Variants in SMAP1 observed in about 807,000 individuals in gnomAD.
SMAP1 encodes the protein small ArfGAP 1, also known as stromal membrane-associated protein 1.
In SMAP1, 24 loss-of-function variants were observed where a neutral mutation model predicts 58.5. That is an observed-to-expected ratio of 0.41 (90% confidence interval 0.30 to 0.58). The LOEUF is 0.58. Among genes scored for constraint, SMAP1 ranks in the 20% least tolerant of loss-of-function variants. The pLI, the probability that SMAP1 is intolerant of heterozygous loss-of-function variation, is 0.29. For synonymous variants in SMAP1, 216 were observed against 196.6 expected (o/e 1.10, Z -0.82); for missense variants, 563 against 566.3 (o/e 0.99, Z 0.06).
intron 4 of SMAP1, among the ~76,000 whole-genome samples, chr6:70,779,389 G>T (rs566094154): frequency 3.2e-4 from 49 of 152,318 alleles, no homozygotes; most frequent in African/African-American, 1.2e-3. Context: ...CTGTGCAGCA[G>T]CAGCTTGGTC....
chr6:70,793,202 T>C (rs1440924357), intron 5 of SMAP1, among the ~76,000 whole-genome samples: 1 of 151,900 alleles, frequency 6.6e-6, no homozygotes, highest in Admixed American at 6.6e-5. Flanking sequence ...GCCCAGCTAA[T>C]TTTTGTATTT....
intron 1 of SMAP1, among the ~76,000 whole-genome samples, chr6:70,717,734 A>G (rs1056907807): frequency 6.6e-6 from 1 of 152,182 alleles, no homozygotes; most frequent in South Asian, 2.1e-4. Context: ...TCACATTTTT[A>G]GGTGGTTTTG....
intron 10 of SMAP1, chr6:70,859,403 A>T: frequency 6.5e-7 from 1 of 1,548,378 alleles, no homozygotes. Flanking sequence ...GGTGGTTAAA[A>T]TGTCCTTTAG....
At chr6:70,785,156 A>G (rs1014955058) in intron 4 of SMAP1, among the ~76,000 whole-genome samples, 1 of 152,234 alleles carries the variant, frequency 6.6e-6, no homozygotes, top group Admixed American at 6.5e-5. Flanking sequence ...AACTCACTCG[A>G]AACCGCTCAG....
intron 4 of SMAP1, among the ~76,000 whole-genome samples, chr6:70,790,667 T>C (rs1768311579): frequency 6.6e-6 from 1 of 152,286 alleles, no homozygotes; most frequent in Non-Finnish European, 1.5e-5. Flanking sequence ...TAGTCTTGTG[T>C]TGTGATTCAG....
At chr6:70,727,417 A>G (rs1026479376) in intron 1 of SMAP1, among the ~76,000 whole-genome samples, 1 of 152,142 alleles carries the variant, frequency 6.6e-6, no homozygotes, top group African/African-American at 2.4e-5. Context: ...CCCACATAAT[A>G]ATCACATCAA....
At chr6:70,820,056 T>C (rs976691291) in intron 6 of SMAP1, among the ~76,000 whole-genome samples, 7 of 152,210 alleles carry the variant, frequency 4.6e-5, no homozygotes, top group African/African-American at 7.2e-5. Flanking sequence ...ACTAATCTTA[T>C]GGATTTTTTC....
intron 6 of SMAP1, among the ~76,000 whole-genome samples, chr6:70,814,871 T>G (rs184183081): frequency 2.1e-4 from 32 of 152,270 alleles, no homozygotes; most frequent in Middle Eastern, 3.4e-3. Flanking sequence ...CTTACCATCT[T>G]ATCAACACAC....
intron 1 of SMAP1, among the ~76,000 whole-genome samples, chr6:70,701,870 G>A (rs1364673817): frequency 6.6e-6 from 1 of 152,148 alleles, no homozygotes; most frequent in African/African-American, 2.4e-5. Flanking sequence ...GTTCAATTTG[G>A]TGTTCCTGCA....
chr6:70,861,340 G>T lies in SMAP1; in HGVS notation c.*1006G>T. 1 of 235,244 alleles carries T rather than the reference G, an allele frequency of 4.3e-6. No homozygotes were observed. 14.6% of individuals were successfully genotyped at this position (235,244 alleles called of 1,614,324 possible). ...CCTGTTCAAGTCTACCAATTATAAG[G>T]GCAAATTGGAGAAAAAGAAAAAATA... On this transcript the variant is annotated 3_prime_UTR_variant, in exon 11 of 11. Transcript: ENST00000370455.
chr6:70,859,503 C>G, intron 10 of SMAP1: 1 of 826,184 alleles, frequency 1.2e-6, no homozygotes, highest in Non-Finnish European at 1.9e-6. Context: ...GTAAATAAGT[C>G]AAGTCAAATG....
At chr6:70,700,214 G>A (rs1767571001) in intron 1 of SMAP1, among the ~76,000 whole-genome samples, 1 of 152,216 alleles carries the variant, frequency 6.6e-6, no homozygotes, top group African/African-American at 2.4e-5. Flanking sequence ...TTCACCTTCT[G>A]TCGTGAGTAA....
At chr6:70,729,200 G>A (rs1281796713) in intron 1 of SMAP1, among the ~76,000 whole-genome samples, 1 of 152,132 alleles carries the variant, frequency 6.6e-6, no homozygotes, top group East Asian at 1.9e-4. Context: ...AGCACTTTGG[G>A]AGGCCGAGGC....
intron 4 of SMAP1, among the ~76,000 whole-genome samples, chr6:70,779,042 A>G (rs978165311): frequency 1.3e-5 from 2 of 152,248 alleles, no homozygotes; most frequent in Non-Finnish European, 2.9e-5. Flanking sequence ...TGGATACACA[A>G]TGGCTCTGCT....
chr6:70,730,055 T>A (rs1224136288), intron 1 of SMAP1, among the ~76,000 whole-genome samples: 5 of 152,186 alleles, frequency 3.3e-5, no homozygotes, highest in Non-Finnish European at 7.3e-5. Context: ...TCTGCTTCCC[T>A]TCTCTCTCCC....
chr6:70,751,480 TG>T (rs1408763428), intron 2 of SMAP1, among the ~76,000 whole-genome samples: 3 of 152,146 alleles, frequency 2.0e-5, no homozygotes, highest in Non-Finnish European at 4.4e-5. Flanking sequence ...AGTAAATAAA[TG>T]TCTACTTAAA....
At chr6:70,674,822 A>G (rs1766408763) in intron 1 of SMAP1, among the ~76,000 whole-genome samples, 1 of 152,080 alleles carries the variant, frequency 6.6e-6, no homozygotes, top group African/African-American at 2.4e-5. Context: ...TAAAAATACT[A>G]AAATTAGCCA....
chr6:70,844,338 CAT>C lies in SMAP1; in HGVS notation c.664+7311_664+7312del, dbSNP rs561641182. 2.2e-4 allele frequency among the ~76,000 whole-genome samples: 34 copies of C among 152,274 alleles called. No individual in the cohort carries two copies. In the East Asian group the frequency reaches 2.5e-3, roughly 11 times the overall value. On this transcript the variant is annotated intron_variant, in intron 7 of 10. Coordinates refer to ENST00000370455, the MANE Select transcript of SMAP1 (RefSeq NM_001044305.3). ...ATCAGAGTGCGTGTGTGTGTGTACA[CAT>C]GTGTGCATGTGTGTGTGGTGTCTTC...
intron 1 of SMAP1, among the ~76,000 whole-genome samples, chr6:70,696,833 G>A (rs916306715): frequency 2.6e-5 from 4 of 152,160 alleles, no homozygotes; most frequent in Non-Finnish European, 5.9e-5. Context: ...TGCTGAAAGT[G>A]GGGTGTTGAA....
Sources: allele counts gnomAD v4.1 joint callset (sites outside exome capture counted in the v4.1 genomes callset), GRCh38; gene constraint gnomAD v4.1.1; transcripts MANE v1.5; gene names NCBI Gene and HGNC (gene_info 2026-07-23, HGNC 2026-07-21).